Variants in RBFOX1 observed in about 807,000 individuals in gnomAD.
RBFOX1 encodes RNA binding protein fox-1 homolog 1.
In RBFOX1, 8 loss-of-function variants were observed where a neutral mutation model predicts 57.7. The ratio of observed to expected loss-of-function variants is 0.14; its 90% CI spans 0.08 to 0.25. The LOEUF (loss-of-function observed/expected upper bound fraction) is 0.25, where lower values mean the gene tolerates loss of function less well. Among genes scored for constraint, RBFOX1 ranks in the 10% least tolerant of loss-of-function variants. The pLI is 1.00. For missense variants in RBFOX1, 611 were observed against 548.5 expected (o/e 1.11, Z -1.14); for synonymous variants, 326 against 222.4 (o/e 1.47, Z -4.15).
chr16:7,240,554 GTTTT>G (rs1479522701), intron 4 of RBFOX1, among the ~76,000 whole-genome samples: 1 of 151,814 alleles, frequency 6.6e-6, no homozygotes, highest in African/African-American at 2.4e-5. Flanking sequence ...TTGTTTGTTT[GTTTT>G]TGTTTGTTTG....
chr16:7,537,291 C>T (rs770693348), intron 5 of RBFOX1, among the ~76,000 whole-genome samples: 1 of 152,120 alleles, frequency 6.6e-6, no homozygotes, highest in Non-Finnish European at 1.5e-5. Flanking sequence ...TGCCAGAGCT[C>T]TCTGTAATAT....
At chr16:7,550,971 G>A (rs959007161) in intron 5 of RBFOX1, among the ~76,000 whole-genome samples, 1 of 151,236 alleles carries the variant, frequency 6.6e-6, no homozygotes, top group African/African-American at 2.4e-5. Context: ...GCGGGTACCT[G>A]TAATCCCAGC....
At chr16:5,767,556 C>T (rs528956390) in intron 3 of RBFOX1, among the ~76,000 whole-genome samples, 7 of 152,146 alleles carry the variant, frequency 4.6e-5, no homozygotes, top group South Asian at 2.1e-4. Context: ...ACGAACCCTG[C>T]GTGAGTTTCC....
chr16:5,309,534 G>A (rs904757976), intron 1 of RBFOX1, among the ~76,000 whole-genome samples: 4 of 152,048 alleles, frequency 2.6e-5, no homozygotes, highest in African/African-American at 4.8e-5. Flanking sequence ...TATAAACTTA[G>A]GGGGTACAAG....
chr16:7,108,100 T>G (rs1268892442), intron 4 of RBFOX1, among the ~76,000 whole-genome samples: 1 of 152,132 alleles, frequency 6.6e-6, no homozygotes, highest in Non-Finnish European at 1.5e-5. Context: ...AAATTAGATG[T>G]GTGGATGACC....
chr16:6,462,713 C>T (rs76643351), intron 2 of RBFOX1, among the ~76,000 whole-genome samples: 3,261 of 151,520 alleles, frequency 0.022, 110 homozygotes, highest in African/African-American at 0.072. Context: ...CCGCCCCCCA[C>T]ACACAAAATT....
intron 2 of RBFOX1, among the ~76,000 whole-genome samples, chr16:5,571,016 A>G (rs1432638675): frequency 6.6e-6 from 1 of 152,016 alleles, no homozygotes; most frequent in Non-Finnish European, 1.5e-5. Flanking sequence ...TTCAGCTCTC[A>G]TATACACAAT....
intron 3 of RBFOX1, among the ~76,000 whole-genome samples, chr16:5,606,633 G>A (rs1174436976): frequency 1.3e-5 from 2 of 152,142 alleles, no homozygotes; most frequent in Non-Finnish European, 2.9e-5. Context: ...CTGTGAGGAG[G>A]ACACAGGATG....
intron 1 of RBFOX1, among the ~76,000 whole-genome samples, chr16:6,220,208 A>G (rs1212729918): frequency 2.0e-5 from 3 of 152,070 alleles, no homozygotes; most frequent in Non-Finnish European, 4.4e-5. Flanking sequence ...GTGTATATGT[A>G]TATATACATT....
At chr16:6,540,364 A>T (rs1250626224) in intron 2 of RBFOX1, among the ~76,000 whole-genome samples, 1 of 151,874 alleles carries the variant, frequency 6.6e-6, no homozygotes, top group African/African-American at 2.4e-5. Flanking sequence ...TTGTAATCCC[A>T]GCACTTTGGG....
At chr16:7,152,210 G>A (rs1309865626) in intron 4 of RBFOX1, among the ~76,000 whole-genome samples, 1 of 152,154 alleles carries the variant, frequency 6.6e-6, no homozygotes, top group African/African-American at 2.4e-5. Flanking sequence ...TTGATTTCCA[G>A]TCTATACCAT....
At chr16:6,537,023 T>C (rs1336865699) in intron 2 of RBFOX1, among the ~76,000 whole-genome samples, 1 of 152,208 alleles carries the variant, frequency 6.6e-6, no homozygotes, top group East Asian at 1.9e-4. Flanking sequence ...TGTACAGTCC[T>C]ACGTACGGTA....
rs146863994 is a variant in RBFOX1, at chr16:5,964,532, C to G, written c.351+97197C>G. Among the ~76,000 whole-genome samples, 7 of 151,974 alleles carry G rather than the reference C, an allele frequency of 4.6e-5. No individual in the cohort carries two copies. In the East Asian group the frequency reaches 1.2e-3, roughly 25 times the overall value. Reference sequence around the variant, plus strand: ...GAATGGATATGGAAAATGTGAGATACTTGTATACATAGATATATATGTATA... The same window carrying G: ...GAATGGATATGGAAAATGTGAGATAGTTGTATACATAGATATATATGTATA... On this transcript the variant is annotated intron_variant, in intron 4 of 19. Transcript: ENST00000641259.
At chr16:6,664,012 A>G (rs2098717048) in intron 3 of RBFOX1, among the ~76,000 whole-genome samples, 1 of 152,172 alleles carries the variant, frequency 6.6e-6, no homozygotes, top group Admixed American at 6.5e-5. Flanking sequence ...TTAATATAGA[A>G]TGAAATCTGT....
At chr16:6,247,434 C>G (rs1027236949) in intron 1 of RBFOX1, among the ~76,000 whole-genome samples, 11 of 152,224 alleles carry the variant, frequency 7.2e-5, no homozygotes, top group African/African-American at 2.6e-4. Context: ...GTCTTTTTCA[C>G]AGAAGATTAG....
chr16:6,024,785 C>A (rs1430669749), intron 1 of RBFOX1, among the ~76,000 whole-genome samples: 1 of 152,216 alleles, frequency 6.6e-6, no homozygotes, highest in East Asian at 1.9e-4. Flanking sequence ...CGCCCAGCCT[C>A]ATTCACCCCT....
intron 3 of RBFOX1, among the ~76,000 whole-genome samples, chr16:5,829,975 C>G (rs2056206604): frequency 6.6e-6 from 1 of 152,090 alleles, no homozygotes; most frequent in South Asian, 2.1e-4. Context: ...AGGCTGTTTT[C>G]TTTTTCCTTC....
At chr16:6,977,153 ATATATCATATAT>A (rs1343459340) in intron 3 of RBFOX1, among the ~76,000 whole-genome samples, 1 of 144,818 alleles carries the variant, frequency 6.9e-6, no homozygotes, top group East Asian at 2.0e-4. Context: ...TATATATCAT[ATATATCATATAT>A]TATCATATAT....
chr16:5,366,186 A>G (rs2065709615), intron 1 of RBFOX1: 4 of 422,094 alleles, frequency 9.5e-6, no homozygotes, highest in South Asian at 1.9e-5. Context: ...AGACAAAGAT[A>G]TGAAACTCTT....
Sources: allele counts gnomAD v4.1 joint callset (sites outside exome capture counted in the v4.1 genomes callset), GRCh38; gene constraint gnomAD v4.1.1; transcripts MANE v1.5; gene names NCBI Gene and HGNC (gene_info 2026-07-23, HGNC 2026-07-21).